The following FUT8 variants were observed in gnomAD, a reference collection of about 807,000 sequenced individuals.
The protein encoded by FUT8 is alpha-(1,6)-fucosyltransferase.
FUT8 carries 29 observed loss-of-function variants against 71.3 expected under a neutral mutation model. That is an observed-to-expected ratio of 0.41 (90% CI 0.30 to 0.55). FUT8 has a LOEUF of 0.55. FUT8 is among the 20% of genes least tolerant of loss of function. The pLI is 0.34. For synonymous variants in FUT8, 254 were observed against 239.3 expected (o/e 1.06, Z -0.57); for missense variants, 544 against 702.1 (o/e 0.77, Z 2.55).
At chr14:65,399,146 G>A in the FUT8 span, among the ~76,000 whole-genome samples, 1 of 152,044 alleles carries the variant, frequency 6.6e-6, no homozygotes, top group African/African-American at 2.4e-5. Context: ...GTGAAACCCC[G>A]TCTCTAGTAA....
intron 7 of FUT8, among the ~76,000 whole-genome samples, chr14:65,685,481 A>G (rs1439022384): frequency 1.3e-5 from 2 of 152,220 alleles, no homozygotes; most frequent in African/African-American, 4.8e-5. Flanking sequence ...GGGGGTCCCA[A>G]TCCAGACCCC....
At chr14:65,367,481 G>A in the FUT8 span, among the ~76,000 whole-genome samples, 4 of 152,002 alleles carry the variant, frequency 2.6e-5, no homozygotes, top group Non-Finnish European at 5.9e-5. Context: ...AATTTGGAAG[G>A]GTGGTAAGCA....
chr14:65,507,970 T>G (rs961047619), intron 2 of FUT8, among the ~76,000 whole-genome samples: 1 of 152,220 alleles, frequency 6.6e-6, no homozygotes, highest in Non-Finnish European at 1.5e-5. Context: ...CATTGATTAT[T>G]GCTTGTCTTT....
chr14:65,727,057 C>G (rs965112877), intron 9 of FUT8, among the ~76,000 whole-genome samples: 6 of 152,210 alleles, frequency 3.9e-5, no homozygotes, highest in Non-Finnish European at 7.3e-5. Context: ...CTCCTTTGGC[C>G]TTGGGCAGCT....
chr14:65,382,437 A>G, the FUT8 span, among the ~76,000 whole-genome samples: 44 of 152,144 alleles, frequency 2.9e-4, no homozygotes, highest in Non-Finnish European at 3.8e-4. Flanking sequence ...CCCGAGTTCA[A>G]GTGATTCTCA....
At chr14:65,559,760 A>T (rs17102765) in intron 2 of FUT8, among the ~76,000 whole-genome samples, 1 of 152,080 alleles carries the variant, frequency 6.6e-6, no homozygotes, top group East Asian at 1.9e-4. Flanking sequence ...TTTTTTTTAC[A>T]TAAGATGAAA....
chr14:65,413,922 A>G lies in FUT8; in HGVS notation c.-326+708A>G, dbSNP rs938629442. ...TTCTTTCTTCACAGTGGGGATTGCA[A>G]TCTTCAGAGACGCAGTGTATTTCTT... On this transcript the variant is annotated intron_variant, in intron 1 of 10. Transcript: ENST00000673929. The surrounding 1 kb of genome is among the most constrained non-coding windows in gnomAD (Gnocchi z 4.1). Among the ~76,000 whole-genome samples, 1 of 152,190 alleles carries G rather than the reference A, an allele frequency of 6.6e-6. No homozygotes were observed. Among genetic ancestry groups the G allele is most frequent in the East Asian group, 1.9e-4 (1 of 5,202 alleles).
At chr14:65,534,422 G>A (rs1487868119) in intron 2 of FUT8, among the ~76,000 whole-genome samples, 1 of 151,844 alleles carries the variant, frequency 6.6e-6, no homozygotes, top group African/African-American at 2.4e-5. Flanking sequence ...TGGCCTTATA[G>A]AATCATTTAG....
chr14:65,598,183 A>T (rs1464770262), intron 3 of FUT8, among the ~76,000 whole-genome samples: 4 of 152,070 alleles, frequency 2.6e-5, no homozygotes, highest in Non-Finnish European at 5.9e-5. Flanking sequence ...TTATTATTCT[A>T]TTATGTAACA....
rs565096880 is a variant in FUT8, at chr14:65,450,926, C to T, written c.-325-4695C>T. 7.3e-5 allele frequency among the ~76,000 whole-genome samples: 11 copies of T among 150,890 alleles called. No individual in the cohort carries two copies. In the East Asian group the frequency reaches 7.8e-4, roughly 11 times the overall value. ...TGTCGGCCAGGCTAGAGTGCAGTGG[C>T]GCTCACTGCAAGCTCCGCCTCCCAG... On this transcript the variant is annotated intron_variant, in intron 1 of 10. Coordinates refer to ENST00000673929, the MANE Select transcript of FUT8 (RefSeq NM_001371533.1).
chr14:65,597,846 C>T (rs972597386), intron 3 of FUT8, among the ~76,000 whole-genome samples: 2 of 152,002 alleles, frequency 1.3e-5, no homozygotes, highest in African/African-American at 4.8e-5. Flanking sequence ...CAGGCCATCT[C>T]ACAGTGAATT....
At chr14:65,454,398 A>T (rs1414031825) in intron 1 of FUT8, among the ~76,000 whole-genome samples, 4 of 152,120 alleles carry the variant, frequency 2.6e-5, no homozygotes, top group African/African-American at 9.7e-5. Flanking sequence ...AGGCTGAGGC[A>T]CGAGGATTAC....
At chr14:65,394,953 A>C in the FUT8 span, among the ~76,000 whole-genome samples, 6 of 152,258 alleles carry the variant, frequency 3.9e-5, 1 homozygote, top group South Asian at 1.2e-3. Context: ...TATTTTGTCC[A>C]GGCTGGCCTT....
chr14:65,516,890 C>T (rs898518720), intron 2 of FUT8, among the ~76,000 whole-genome samples: 1 of 151,154 alleles, frequency 6.6e-6, no homozygotes, highest in Non-Finnish European at 1.5e-5. Context: ...TATTATCTCC[C>T]CTTTAATCAC....
chr14:65,619,353 G>GC (rs538604794), intron 5 of FUT8, among the ~76,000 whole-genome samples: 120 of 152,146 alleles, frequency 7.9e-4, no homozygotes, highest in Non-Finnish European at 1.4e-3. Flanking sequence ...CTCCTTTGTT[G>GC]CCCACTTGAA....
At chr14:65,542,576 A>G (rs139921381) in intron 2 of FUT8, among the ~76,000 whole-genome samples, 2 of 152,310 alleles carry the variant, frequency 1.3e-5, no homozygotes, top group African/African-American at 4.8e-5. Context: ...TTCTTCATAC[A>G]TGCAGTAGTA....
chr14:65,385,928 G>A, the FUT8 span, among the ~76,000 whole-genome samples: 1 of 151,980 alleles, frequency 6.6e-6, no homozygotes, highest in East Asian at 2.0e-4. Flanking sequence ...GAGGCGGGTA[G>A]ATCACCTGAG....
chr14:65,683,355 C>T (rs1893129482), intron 7 of FUT8, among the ~76,000 whole-genome samples: 1 of 152,052 alleles, frequency 6.6e-6, no homozygotes, highest in African/African-American at 2.4e-5. Context: ...TTTTATAATG[C>T]ATTTGCATTA....
chr14:65,456,022 T>C (rs1792964063), intron 2 of FUT8, among the ~76,000 whole-genome samples: 1 of 152,242 alleles, frequency 6.6e-6, no homozygotes, highest in Admixed American at 6.5e-5. Flanking sequence ...GGCATCGTTG[T>C]GTGGCATATT....
Sources: allele counts gnomAD v4.1 joint callset (sites outside exome capture counted in the v4.1 genomes callset), GRCh38; gene constraint gnomAD v4.1.1; non-coding constraint Gnocchi (gnomAD v3.1); transcripts MANE v1.5; gene names NCBI Gene and HGNC (gene_info 2026-07-23, HGNC 2026-07-21).